OSBPL10: variants seen among roughly 807,000 people sequenced by gnomAD.
The protein encoded by OSBPL10 is oxysterol binding protein like 10.
In OSBPL10, 49 loss-of-function variants were observed where a neutral mutation model predicts 81.7. That is an observed-to-expected ratio of 0.60 (90% CI 0.48 to 0.76). The LOEUF (loss-of-function observed/expected upper bound fraction) is 0.76, where lower values mean the gene tolerates loss of function less well. Among genes scored for constraint, OSBPL10 ranks in the 30% least tolerant of loss-of-function variants. The pLI is 0.00. For synonymous variants in OSBPL10, 419 were observed against 383.6 expected (o/e 1.09, Z -1.08); for missense variants, 923 against 987.8 (o/e 0.93, Z 0.88).
At chr3:32,075,236 C>T (rs1326523943) in intron 1 of OSBPL10, among the ~76,000 whole-genome samples, 2 of 152,156 alleles carry the variant, frequency 1.3e-5, no homozygotes, top group Non-Finnish European at 2.9e-5. Flanking sequence ...ACCGCCAAAG[C>T]CTTGATTTAC....
chr3:31,716,714 AAACTTGTGTAGGCAC>A (rs1344468236), intron 6 of OSBPL10, among the ~76,000 whole-genome samples: 11 of 152,224 alleles, frequency 7.2e-5, no homozygotes, highest in South Asian at 6.2e-4. Context: ...CTTTTCTCAT[AAACTTGTGTAGGCAC>A]AAGTTGAAGA....
chr3:31,871,005 A>G (rs564732750), intron 3 of OSBPL10, among the ~76,000 whole-genome samples: 4 of 152,234 alleles, frequency 2.6e-5, no homozygotes, highest in South Asian at 2.1e-4. Context: ...TTGTAAACGC[A>G]CCAATCAGCG....
intron 1 of OSBPL10, among the ~76,000 whole-genome samples, chr3:31,916,292 T>A (rs141030047): frequency 2.0e-5 from 3 of 152,350 alleles, no homozygotes; most frequent in East Asian, 3.9e-4. Flanking sequence ...TCAATGTGCA[T>A]ATTTTGTACA....
At chr3:31,703,730 C>A (rs1047859592) in intron 6 of OSBPL10, 1 of 152,182 alleles carries the variant, frequency 6.6e-6, no homozygotes, top group Non-Finnish European at 1.5e-5. Context: ...CACAGACATA[C>A]TCCTAAGGTG....
At chr3:31,967,608 T>C (rs1480231460) in intron 1 of OSBPL10, among the ~76,000 whole-genome samples, 2 of 152,240 alleles carry the variant, frequency 1.3e-5, no homozygotes, top group East Asian at 3.8e-4. Flanking sequence ...AGTTGACATT[T>C]ATATTACGAT....
chr3:31,920,935 T>C (rs1476542625), intron 1 of OSBPL10, among the ~76,000 whole-genome samples: 1 of 152,222 alleles, frequency 6.6e-6, no homozygotes, highest in Non-Finnish European at 1.5e-5. Context: ...CACTATGTTT[T>C]ATGTGTAGCC....
intron 1 of OSBPL10, among the ~76,000 whole-genome samples, chr3:31,908,955 G>A (rs1335248284): frequency 6.6e-6 from 1 of 151,848 alleles, no homozygotes; most frequent in Non-Finnish European, 1.5e-5. Context: ...GCAGAGCCAG[G>A]TCAAGGGCCT....
chr3:31,899,304 T>C (rs960233184), intron 1 of OSBPL10, among the ~76,000 whole-genome samples: 28 of 152,026 alleles, frequency 1.8e-4, no homozygotes, highest in South Asian at 8.3e-4. Context: ...ATAGAAAATA[T>C]AGTGCATAAA....
At chr3:31,682,858 C>T (rs1700686182) in intron 8 of OSBPL10, among the ~76,000 whole-genome samples, 1 of 152,144 alleles carries the variant, frequency 6.6e-6, no homozygotes, top group Non-Finnish European at 1.5e-5. Flanking sequence ...TAAAAATGTG[C>T]TAAGTGAATG....
intron 1 of OSBPL10, among the ~76,000 whole-genome samples, chr3:31,885,515 C>T (rs185183363): frequency 6.6e-6 from 1 of 152,166 alleles, no homozygotes; most frequent in Non-Finnish European, 1.5e-5. Context: ...TCTGTCTGCA[C>T]AGGTACCCAT....
At chr3:31,809,253 G>C (rs974210937) in intron 4 of OSBPL10, among the ~76,000 whole-genome samples, 1 of 152,124 alleles carries the variant, frequency 6.6e-6, no homozygotes, top group African/African-American at 2.4e-5. Flanking sequence ...AGATTTGGGG[G>C]AATACATGCA....
chr3:32,032,532 C>T (rs1374821909), intron 2 of OSBPL10, among the ~76,000 whole-genome samples: 2 of 152,106 alleles, frequency 1.3e-5, no homozygotes, highest in Non-Finnish European at 2.9e-5. Flanking sequence ...TAAGTTCCTT[C>T]TTGCATGACC....
chr3:31,783,146 T>TATATATATACACACAC (rs1485968747), intron 4 of OSBPL10, among the ~76,000 whole-genome samples: 31 of 112,976 alleles, frequency 2.7e-4, no homozygotes, highest in African/African-American at 1.0e-3. Flanking sequence ...TATATATATA[T>TATATATATACACACAC]ACACACACAC....
chr3:31,691,126 G>A (rs571692530), intron 7 of OSBPL10, among the ~76,000 whole-genome samples: 71 of 152,212 alleles, frequency 4.7e-4, no homozygotes, highest in African/African-American at 1.5e-3. Flanking sequence ...CATCAATAAA[G>A]ACTGCCTTTT....
At chr3:31,789,042 G>C (rs552620470) in intron 4 of OSBPL10, among the ~76,000 whole-genome samples, 11 of 151,646 alleles carry the variant, frequency 7.3e-5, no homozygotes, top group African/African-American at 2.4e-4. Context: ...GCGGTGGCGC[G>C]ATCTTGGCTC....
chr3:31,804,477 C>A (rs1161529809), intron 4 of OSBPL10, among the ~76,000 whole-genome samples: 1 of 152,148 alleles, frequency 6.6e-6, no homozygotes, highest in African/African-American at 2.4e-5. Flanking sequence ...CTGATGTCAT[C>A]ATCAATCAGC....
chr3:31,751,623 G>A (rs1468422417), intron 4 of OSBPL10, among the ~76,000 whole-genome samples: 1 of 152,160 alleles, frequency 6.6e-6, no homozygotes, highest in Non-Finnish European at 1.5e-5. Flanking sequence ...TGCCCCTTGA[G>A]TAACCCTTTG....
intron 1 of OSBPL10, among the ~76,000 whole-genome samples, chr3:32,049,970 G>A (rs1369286588): frequency 4.6e-5 from 7 of 152,108 alleles, no homozygotes; most frequent in African/African-American, 1.7e-4. Context: ...TTATAGGAAT[G>A]GTAAAAATCA....
Position 31,705,383 on chromosome 3 carries a change from C to G in OSBPL10, c.1096-2875G>C, listed in dbSNP as rs552621143. On this transcript the variant is annotated intron_variant, in intron 6 of 11. Transcript: ENST00000396556. ...TGCACAAAGAGAAGACCCCCCCCCC[C>G]ACCCCCATCGCGGTCCAACTTGGGG... Among the ~76,000 whole-genome samples, 324 of 107,730 alleles carry G rather than the reference C, an allele frequency of 3.0e-3. 1 individual carries two copies. The highest frequency in any genetic ancestry group is 5.5e-3 in the Admixed American group (51 of 9,318). The allele number at this position is 107,730 out of a possible 152,430, so 70.7% of individuals were successfully genotyped here. A position where few individuals can be genotyped will look rare whatever the true frequency, so the allele number is the denominator to read the frequency against.
Sources: gnomAD v4.1 joint callset for allele counts (sites outside exome capture counted in the v4.1 genomes callset) on GRCh38, gnomAD v4.1.1 for gene constraint, MANE v1.5 for transcripts, NCBI Gene and HGNC (gene_info 2026-07-23, HGNC 2026-07-21) for gene names.